CDH22: variants seen among roughly 807,000 people sequenced by gnomAD.
CDH22 encodes cadherin 22.
In CDH22, 30 loss-of-function variants were observed where a neutral mutation model predicts 58.4. The observed-to-expected ratio is 0.51, with a 90% CI of 0.38 to 0.70. The LOEUF is 0.70. Among genes scored for constraint, CDH22 ranks in the 30% least tolerant of loss-of-function variants. The probability of loss-of-function intolerance (pLI) is 0.00; values close to 1 mark genes in which losing one functional copy is unlikely to be tolerated. For synonymous variants in CDH22, 513 were observed against 558.2 expected, an observed-to-expected ratio of 0.92 and a Z score of 1.14; for missense variants, 1,014 against 1,233.9, an observed-to-expected ratio of 0.82 and a Z score of 2.67.
chr20:46,177,918 AG>A (rs777782958), intron 11 of CDH22, 27 bp downstream of exon 11: 1 of 1,608,560 alleles, frequency 6.2e-7, no homozygotes, highest in East Asian at 2.2e-5. Flanking sequence ...CCAATCAGGC[AG>A]GGCTGGGTGG....
In CDH22 at chr20:46,243,010, GC is replaced by G. The variant is rs1373712472; in HGVS notation, c.256-1754del. Among the ~76,000 whole-genome samples, 14 of 152,240 alleles carry G rather than the reference GC, an allele frequency of 9.2e-5. No individual in the cohort carries two copies. The South Asian group carries it at 2.9e-3, about 32-fold the overall frequency. ...ATCTTCCAATGCCCAAATCTCCCAG[GC>G]AGCTTCAAGCAGAGGAAAATCCATT... On this transcript the variant is annotated intron_variant, in intron 2 of 11. Transcript: ENST00000537909.
At chr20:46,223,554 C>G (rs2145704466) in intron 4 of CDH22, among the ~76,000 whole-genome samples, 1 of 152,314 alleles carries the variant, frequency 6.6e-6, no homozygotes, top group South Asian at 2.1e-4. Context: ...CATACCTTCA[C>G]TGCACTTGGT....
At chr20:46,224,748 C>T (rs2086159018) in intron 4 of CDH22, among the ~76,000 whole-genome samples, 1 of 152,188 alleles carries the variant, frequency 6.6e-6, no homozygotes, top group Admixed American at 6.5e-5. Flanking sequence ...CCTGCAGATT[C>T]GTGTTGGCCC....
chr20:46,186,659 C>T lies in CDH22; in HGVS notation c.1592G>A (p.Gly531Glu). ...SVVDRDEPQG[G>E]HRFYFRLVPE... ...CACCAGGCGGAAATAGAAGCGGTGC[C>T]CGCCTTGGGGCTCGTCTCTGTCCAC... The change falls in exon 10 of 12, where the codon GGG becomes GAG. Residue 531 changes from glycine (G) to glutamate (E), a missense_variant. Around this residue, in one of 2 missense-constraint regions of CDH22, gnomAD observed 806 missense variants for 1,038.7 expected, o/e 0.78. Transcript: ENST00000537909. The T allele has an allele frequency of 6.2e-7, 1 of 1,613,754 alleles. No homozygotes were observed. The highest frequency in any genetic ancestry group is 8.5e-7 in the Non-Finnish European group (1 of 1,180,008).
intron 1 of CDH22, among the ~76,000 whole-genome samples, chr20:46,266,270 G>A (rs570144900): frequency 1.3e-5 from 2 of 152,336 alleles, no homozygotes; most frequent in South Asian, 4.2e-4. Flanking sequence ...GAACTGAGGT[G>A]GCCCCAGGTG....
At chr20:46,206,380 C>T (rs201700736) in intron 7 of CDH22, among the ~76,000 whole-genome samples, 1 of 152,210 alleles carries the variant, frequency 6.6e-6, no homozygotes, top group East Asian at 1.9e-4. Flanking sequence ...TAACATGAGG[C>T]ACCTTCTACT....
rs1458313282 is a variant in CDH22 at position 46,180,949 on chromosome 20, T to C, written c.1664-2752A>G. ...TTTTGTGTGTGTGTGTGTGTGTGTG[T>C]GTGTGTGTGTGTGTGTACAGATGAG... On this transcript the variant is annotated intron_variant, in intron 10 of 11. Coordinates refer to ENST00000537909, the MANE Select transcript of CDH22 (RefSeq NM_021248.3). 2.0e-5 allele frequency among the ~76,000 whole-genome samples: 3 copies of C among 151,674 alleles called. No individual in the cohort carries two copies. The East Asian group carries it at 5.8e-4, about 29-fold the overall frequency.
At chr20:46,192,624 G>C (rs2145661523) in intron 8 of CDH22, among the ~76,000 whole-genome samples, 1 of 152,078 alleles carries the variant, frequency 6.6e-6, no homozygotes, top group Non-Finnish European at 1.5e-5. Flanking sequence ...CTCAAAGAAA[G>C]TGCCTTCCCT....
chr20:46,215,772 C>T (rs1312055048), intron 5 of CDH22, among the ~76,000 whole-genome samples: 6 of 152,240 alleles, frequency 3.9e-5, no homozygotes, highest in African/African-American at 1.4e-4. Context: ...CAGTTCAGAG[C>T]TCATTCAGAG....
chr20:46,229,974 C>T (rs1243720712), intron 3 of CDH22, among the ~76,000 whole-genome samples: 2 of 152,120 alleles, frequency 1.3e-5, no homozygotes, highest in Non-Finnish European at 2.9e-5. Flanking sequence ...ACCATTTCCC[C>T]AATCCAGGAT....
At position 46,174,805 on chromosome 20, in the gene CDH22, G is replaced by T; in HGVS notation, c.2188C>A (p.Arg730Ser). The T allele has an allele frequency of 3.4e-6, 5 of 1,486,378 alleles. No homozygotes were observed. Among genetic ancestry groups the T allele is most frequent in the Non-Finnish European group, 3.6e-6 (4 of 1,123,918 alleles). The allele number at this position is 1,486,378 out of a possible 1,614,324, so 92.1% of individuals were successfully genotyped here. ...GGCGGCCCCTGCGGCAGCGAGTGGC[G>T]CTCGGAGGGCAGGTGGGCCTGCGGG... Reference protein sequence around the residue: ...SPPQAHLPSERHSLPQGPPSP... With the variant: ...SPPQAHLPSESHSLPQGPPSP... Residue 730 changes from arginine (R) to serine (S), a missense_variant, in exon 12 of 12, where the codon CGC becomes AGC. By Grantham distance (110) the Arg-to-Ser change is moderately radical. This residue lies in a region of CDH22 where 208 missense variants were observed against 195.2 expected (regional missense o/e 1.07). Coordinates refer to ENST00000537909, the MANE Select transcript of CDH22 (RefSeq NM_021248.3). The surrounding 1 kb of genome is among the most constrained non-coding windows in gnomAD (Gnocchi z 4.4).
At chr20:46,259,822 A>G (rs1425853279) in intron 1 of CDH22, among the ~76,000 whole-genome samples, 1 of 152,196 alleles carries the variant, frequency 6.6e-6, no homozygotes, top group Non-Finnish European at 1.5e-5. Context: ...TATGGTGTAT[A>G]AAAAGAGTGA....
intron 7 of CDH22, among the ~76,000 whole-genome samples, chr20:46,202,145 C>T (rs1196260561): frequency 6.6e-6 from 1 of 151,958 alleles, no homozygotes; most frequent in Non-Finnish European, 1.5e-5. Context: ...GATACCAGGC[C>T]GAAGTGGGGA....
intron 1 of CDH22, among the ~76,000 whole-genome samples, chr20:46,278,013 G>A (rs552709442): frequency 6.6e-5 from 10 of 151,698 alleles, no homozygotes; most frequent in South Asian, 2.1e-4. Flanking sequence ...GGCAGGAGGC[G>A]TTGGCCGAGA....
At chr20:46,212,433 G>T (rs1309122372) in intron 6 of CDH22, among the ~76,000 whole-genome samples, 5 of 152,074 alleles carry the variant, frequency 3.3e-5, no homozygotes, top group Non-Finnish European at 7.4e-5. Flanking sequence ...CTCTTTATTT[G>T]ACCTCCCTAG....
chr20:46,255,187 A>G (rs2086400473), intron 1 of CDH22, among the ~76,000 whole-genome samples: 1 of 152,014 alleles, frequency 6.6e-6, no homozygotes, highest in African/African-American at 2.4e-5. Context: ...ACACCTGGCT[A>G]ATTTTTTAAT....
chr20:46,243,424 G>C (rs1422378851), intron 2 of CDH22, among the ~76,000 whole-genome samples: 1 of 152,162 alleles, frequency 6.6e-6, no homozygotes. Context: ...AAACTTTCCG[G>C]GTCCCCATCC....
chr20:46,214,936 G>A lies in CDH22; in HGVS notation c.839-1748C>T, dbSNP rs1049252145. Among the ~76,000 whole-genome samples the A allele has an allele frequency of 1.1e-4, 16 of 152,334 alleles. No individual in the cohort carries two copies. In the South Asian group the frequency reaches 2.3e-3, roughly 22 times the overall value. ...GTGCCTGGCAGAATGCCAGGCTGTC[G>A]CATAAATGAAATGTGTGAGGGACTA... On this transcript the variant is annotated intron_variant, in intron 5 of 11. Coordinates refer to ENST00000537909, the MANE Select transcript of CDH22 (RefSeq NM_021248.3).
intron 1 of CDH22, among the ~76,000 whole-genome samples, chr20:46,280,237 T>C (rs1266910292): frequency 6.6e-6 from 1 of 152,180 alleles, no homozygotes; most frequent in Non-Finnish European, 1.5e-5. Context: ...CTGATCAATA[T>C]GGCAAAACCC....
Sources: gnomAD v4.1 joint callset for allele counts (sites outside exome capture counted in the v4.1 genomes callset) on GRCh38, gnomAD v4.1.1 for gene constraint, gnomAD v4.1.1 regional missense constraint, Gnocchi (gnomAD v3.1) non-coding constraint, MANE v1.5 for transcripts, NCBI Gene and HGNC (gene_info 2026-07-23, HGNC 2026-07-21) for gene names.